The following OSBPL8 variants were observed in gnomAD, a reference collection of about 807,000 sequenced individuals.
OSBPL8 encodes the protein oxysterol-binding protein-related protein 8.
Under a neutral mutation model 125.5 loss-of-function variants are expected in OSBPL8, and 59 were observed. That is an observed-to-expected ratio of 0.47 (90% CI 0.38 to 0.58). The LOEUF is 0.58. OSBPL8 is among the 20% of genes least tolerant of loss of function. The probability of loss-of-function intolerance (pLI) is 0.00; values close to 1 mark genes in which losing one functional copy is unlikely to be tolerated. For synonymous variants in OSBPL8, 330 were observed against 338.9 expected (o/e 0.97, Z 0.29); for missense variants, 758 against 1,047.8 (o/e 0.72, Z 3.82).
At position 76,352,701 on chromosome 12, in the gene OSBPL8, A is replaced by G. The variant is rs1233008408; in HGVS notation, c.*3188T>C. On this transcript the variant is annotated 3_prime_UTR_variant, in exon 24 of 24. Coordinates refer to ENST00000261183, the MANE Select transcript of OSBPL8 (RefSeq NM_020841.5). ...ATAATGCCATCATCACTGTATGTCA[A>G]ACAACCTCACTGCTTACTAGAAATG... 6.6e-6 allele frequency: 1 copy of G among 152,570 alleles called. No homozygotes were observed. The highest frequency in any genetic ancestry group is 2.1e-4 in the South Asian group (1 of 4,834). The allele number at this position is 152,570 out of a possible 1,614,324, so 9.5% of individuals were successfully genotyped here.
At chr12:76,359,798 T>G (rs1379727087) in intron 21 of OSBPL8, among the ~76,000 whole-genome samples, 1 of 152,064 alleles carries the variant, frequency 6.6e-6, no homozygotes, top group African/African-American at 2.4e-5. Context: ...ACGAGAACAA[T>G]ATGGGGGAAA....
chr12:76,352,018 G>A lies in OSBPL8; in HGVS notation c.*3871C>T, dbSNP rs991762446. ...GACAGTGTGCTGTACTTACACTGCAGGTAACATATTTTTATTCTATCACAC... is the reference window on the plus strand; with the variant it reads ...GACAGTGTGCTGTACTTACACTGCAAGTAACATATTTTTATTCTATCACAC... On this transcript the variant is annotated 3_prime_UTR_variant, in exon 24 of 24. Coordinates refer to ENST00000261183, the MANE Select transcript of OSBPL8 (RefSeq NM_020841.5). The A allele has an allele frequency of 3.3e-5, 5 of 152,234 alleles. No homozygotes were observed. The highest frequency in any genetic ancestry group is 7.4e-5 in the Non-Finnish European group (5 of 68,022). The allele number at this position is 152,234 out of a possible 1,614,324, so 9.4% of individuals were successfully genotyped here.
intron 3 of OSBPL8, among the ~76,000 whole-genome samples, chr12:76,458,113 A>T (rs1248957447): frequency 6.6e-6 from 1 of 151,972 alleles, no homozygotes; most frequent in Non-Finnish European, 1.5e-5. Context: ...GTCTACAAAA[A>T]ATAAAAATAA....
chr12:76,360,634 T>C (rs77832421), intron 21 of OSBPL8, among the ~76,000 whole-genome samples: 14,748 of 152,294 alleles, frequency 0.097, 2,383 homozygotes, highest in African/African-American at 0.33. Flanking sequence ...ATGAGGGCCG[T>C]GCCCCTGCAG....
intron 1 of OSBPL8, among the ~76,000 whole-genome samples, chr12:76,530,220 C>CTTT (rs59016280): frequency 2.5e-4 from 27 of 107,202 alleles, no homozygotes; most frequent in East Asian, 5.1e-4. Flanking sequence ...CCGGGCCTGG[C>CTTT]TTTTTTTTTT....
intron 1 of OSBPL8, among the ~76,000 whole-genome samples, chr12:76,526,616 A>G (rs1190628968): frequency 7.2e-6 from 1 of 137,946 alleles, no homozygotes; most frequent in East Asian, 2.2e-4. Context: ...CAAATGTTAT[A>G]CTTGCTATCA....
At chr12:76,431,545 C>T (rs1478632858) in intron 4 of OSBPL8, among the ~76,000 whole-genome samples, 4 of 152,032 alleles carry the variant, frequency 2.6e-5, no homozygotes, top group Non-Finnish European at 5.9e-5. Context: ...TTAAAATATG[C>T]CTGAGCTTTC....
chr12:76,519,878 G>C (rs765910712), intron 1 of OSBPL8, among the ~76,000 whole-genome samples: 1 of 152,132 alleles, frequency 6.6e-6, no homozygotes, highest in Non-Finnish European at 1.5e-5. Flanking sequence ...ATCTGCCCCC[G>C]TGATCCAATC....
At chr12:76,487,193 C>T (rs942477652) in intron 2 of OSBPL8, among the ~76,000 whole-genome samples, 6 of 151,810 alleles carry the variant, frequency 4.0e-5, no homozygotes, top group African/African-American at 1.2e-4. Context: ...CCACACCTGG[C>T]TAATTTTTGT....
intron 1 of OSBPL8, among the ~76,000 whole-genome samples, chr12:76,556,664 GTTT>G (rs1951109966): frequency 6.6e-6 from 1 of 151,972 alleles, no homozygotes; most frequent in Non-Finnish European, 1.5e-5. Flanking sequence ...GAGGCTTTTT[GTTT>G]TTTTGGTGTT....
chr12:76,439,820 T>C (rs2136650456), intron 4 of OSBPL8, among the ~76,000 whole-genome samples: 1 of 152,304 alleles, frequency 6.6e-6, no homozygotes, highest in South Asian at 2.1e-4. Flanking sequence ...TCTACTTGTA[T>C]TTTTAGTTGT....
At chr12:76,501,839 AG>A (rs1196314819) in intron 1 of OSBPL8, among the ~76,000 whole-genome samples, 1 of 152,244 alleles carries the variant, frequency 6.6e-6, no homozygotes, top group African/African-American at 2.4e-5. Flanking sequence ...TCCATCACGA[AG>A]GGGCAGCATT....
chr12:76,401,872 T>C (rs1954064870), intron 6 of OSBPL8, among the ~76,000 whole-genome samples: 1 of 152,218 alleles, frequency 6.6e-6, no homozygotes, highest in Non-Finnish European at 1.5e-5. Context: ...ATTTGAGGAA[T>C]TAGCAGTGAA....
At position 76,467,339 on chromosome 12, in the gene OSBPL8, T is replaced by TATATTCAG. The variant is rs1875578125; in HGVS notation, c.43-7452_43-7445dup. ...TGATGCTCAAGGCTCATTTATCACC[T>TATATTCAG]ATATTCAGATAACTTCCTAGTTTCT... On this transcript the variant is annotated intron_variant, in intron 2 of 23. Coordinates refer to ENST00000261183, the MANE Select transcript of OSBPL8 (RefSeq NM_020841.5). Among the ~76,000 whole-genome samples the TATATTCAG allele has an allele frequency of 3.3e-5, 5 of 152,200 alleles. No individual in the cohort carries two copies. In the South Asian group the frequency reaches 1.0e-3, roughly 31 times the overall value.
intron 4 of OSBPL8, among the ~76,000 whole-genome samples, chr12:76,412,692 T>C (rs1162687536): frequency 6.6e-6 from 1 of 152,128 alleles, no homozygotes; most frequent in Admixed American, 6.6e-5. Flanking sequence ...TTTCTAATCT[T>C]TAAAACAATG....
intron 2 of OSBPL8, among the ~76,000 whole-genome samples, chr12:76,478,633 GA>G (rs993501584): frequency 1.4e-4 from 19 of 139,344 alleles, no homozygotes; most frequent in Non-Finnish European, 1.7e-4. Context: ...AATAAGGTAA[GA>G]AAAAAAAAAA....
At chr12:76,384,703 T>C (rs1953227594) in intron 14 of OSBPL8, among the ~76,000 whole-genome samples, 2 of 152,178 alleles carry the variant, frequency 1.3e-5, no homozygotes, top group African/African-American at 4.8e-5. Context: ...AAAAGCCAGC[T>C]TTGAGATTGT....
intron 1 of OSBPL8, among the ~76,000 whole-genome samples, chr12:76,495,050 C>G (rs898157788): frequency 6.6e-6 from 1 of 152,176 alleles, no homozygotes; most frequent in African/African-American, 2.4e-5. Flanking sequence ...CCAGTGTTAC[C>G]TGCCTCAACA....
chr12:76,513,643 C>CTTG (rs1032827851), intron 1 of OSBPL8, among the ~76,000 whole-genome samples: 9 of 147,832 alleles, frequency 6.1e-5, no homozygotes, highest in African/African-American at 2.3e-4. Context: ...ATAGTTAGGT[C>CTTG]TTGCTCGATT....
Sources: allele counts gnomAD v4.1 joint callset (sites outside exome capture counted in the v4.1 genomes callset), GRCh38; gene constraint gnomAD v4.1.1; transcripts MANE v1.5; gene names NCBI Gene and HGNC (gene_info 2026-07-23, HGNC 2026-07-21).